The following ADCY8 variants were observed in gnomAD, a reference collection of about 807,000 sequenced individuals.
ADCY8 encodes adenylate cyclase type 8.
In ADCY8, 51 loss-of-function variants were observed where a neutral mutation model predicts 119.7. The ratio of observed to expected loss-of-function variants is 0.43; its 90% confidence interval spans 0.34 to 0.54. The LOEUF is 0.54. ADCY8 is among the 20% of genes least tolerant of loss of function. The pLI, the probability that ADCY8 is intolerant of heterozygous loss-of-function variation, is 0.03. For missense variants in ADCY8, 1,383 were observed against 1,598.8 expected (o/e 0.87, Z 2.30); for synonymous variants, 665 against 651.0 (o/e 1.02, Z -0.33).
intron 7 of ADCY8, among the ~76,000 whole-genome samples, chr8:130,886,032 G>A (rs757583435): frequency 6.6e-6 from 1 of 152,004 alleles, no homozygotes; most frequent in Non-Finnish European, 1.5e-5. Flanking sequence ...ACCACAGCTG[G>A]AGTCAGGAGC....
intron 5 of ADCY8, among the ~76,000 whole-genome samples, chr8:130,912,075 A>G (rs72714450): frequency 0.33 from 50,193 of 151,900 alleles, 9,238 homozygotes; most frequent in East Asian, 0.57. Flanking sequence ...ACCTCTTTCA[A>G]TGGAAGAGCT....
intron 11 of ADCY8, among the ~76,000 whole-genome samples, chr8:130,845,084 G>A (rs1221911255): frequency 2.0e-5 from 3 of 152,120 alleles, no homozygotes; most frequent in Non-Finnish European, 4.4e-5. Context: ...CTTAATTCTT[G>A]TAATTAACCA....
chr8:130,780,956 T>C, intron 17 of ADCY8, 79 bp from the exon 18 acceptor site: 1 of 1,548,278 alleles, frequency 6.5e-7, no homozygotes, highest in Non-Finnish European at 8.8e-7. Context: ...CCTGGGACAG[T>C]GATCACTATG....
At chr8:130,890,804 C>T (rs768360572) in intron 7 of ADCY8, among the ~76,000 whole-genome samples, 15 of 152,120 alleles carry the variant, frequency 9.9e-5, no homozygotes, top group Non-Finnish European at 1.9e-4. Flanking sequence ...TCTCCATGAG[C>T]CAGTTGTGGA....
At chr8:130,785,610 C>G (rs1815226624) in intron 15 of ADCY8, 135 bp from the exon 16 acceptor site, 4 of 558,348 alleles carry the variant, frequency 7.2e-6, no homozygotes, top group Non-Finnish European at 1.2e-5. Flanking sequence ...GCTTTTCTCT[C>G]TGAGAATCAT....
chr8:130,884,430 AAGAC>A (rs1443610827), intron 8 of ADCY8, 130 bp downstream of exon 8: 5 of 868,058 alleles, frequency 5.8e-6, no homozygotes, highest in Non-Finnish European at 9.1e-6. Context: ...AGAAAAATGA[AAGAC>A]AGTACCAAAC....
chr8:130,847,536 A>G (rs2130306828), intron 10 of ADCY8, 23 bp from the exon 11 acceptor site: 1 of 1,554,068 alleles, frequency 6.4e-7, no homozygotes, highest in Non-Finnish European at 8.8e-7. Context: ...AAAAAAAAAA[A>G]AAGAACAACA....
intron 1 of ADCY8, among the ~76,000 whole-genome samples, chr8:131,038,774 T>A (rs1315319393): frequency 2.0e-5 from 3 of 152,214 alleles, no homozygotes; most frequent in African/African-American, 7.2e-5. Context: ...ATATCATGTT[T>A]GGTCACCAAG....
chr8:130,948,051 G>A (rs61693766), intron 3 of ADCY8, among the ~76,000 whole-genome samples: 6 of 152,150 alleles, frequency 3.9e-5, no homozygotes, highest in Non-Finnish European at 7.3e-5. Context: ...TGAGTACTCT[G>A]CTTCCCCTTC....
chr8:130,934,669 A>C (rs1446398543), intron 5 of ADCY8, among the ~76,000 whole-genome samples: 1 of 152,222 alleles, frequency 6.6e-6, no homozygotes, highest in Non-Finnish European at 1.5e-5. Flanking sequence ...AAACATCTGC[A>C]GCCTTTTCCA....
chr8:130,896,234 T>A (rs953573710), intron 7 of ADCY8, among the ~76,000 whole-genome samples: 9 of 152,076 alleles, frequency 5.9e-5, no homozygotes, highest in Non-Finnish European at 1.3e-4. Context: ...CAAACTAAGC[T>A]CCGGAGTGCT....
At chr8:131,016,792 C>T (rs1007011785) in intron 1 of ADCY8, among the ~76,000 whole-genome samples, 1 of 152,194 alleles carries the variant, frequency 6.6e-6, no homozygotes, top group African/African-American at 2.4e-5. Context: ...CTCGACCCGG[C>T]ATGAGATGAG....
intron 12 of ADCY8, among the ~76,000 whole-genome samples, chr8:130,829,326 G>A (rs1312283988): frequency 6.6e-6 from 1 of 152,194 alleles, no homozygotes; most frequent in East Asian, 1.9e-4. Context: ...CTTGTGGCTA[G>A]TTTCTTGGTC....
intron 14 of ADCY8, among the ~76,000 whole-genome samples, chr8:130,810,648 G>T (rs566130490): frequency 5.3e-5 from 8 of 152,312 alleles, no homozygotes; most frequent in African/African-American, 1.9e-4. Flanking sequence ...TTCAGTAAAT[G>T]ATGTTTTATC....
chr8:130,815,720 A>T (rs2130176937), intron 13 of ADCY8, among the ~76,000 whole-genome samples: 1 of 152,370 alleles, frequency 6.6e-6, no homozygotes, highest in East Asian at 1.9e-4. Context: ...TGCTAGACAG[A>T]TATAGCTTAG....
intron 2 of ADCY8, among the ~76,000 whole-genome samples, chr8:130,969,480 T>C (rs1821860500): frequency 6.6e-6 from 1 of 152,252 alleles, no homozygotes; most frequent in African/African-American, 2.4e-5. Context: ...ATACATAGTA[T>C]AGTTATTATC....
intron 2 of ADCY8, among the ~76,000 whole-genome samples, chr8:130,971,619 T>C (rs1821925070): frequency 6.6e-6 from 1 of 152,168 alleles, no homozygotes; most frequent in Non-Finnish European, 1.5e-5. Flanking sequence ...CTGAGTGTGA[T>C]AAATGCAGTG....
Position 131,039,539 on chromosome 8 carries a change from C to T in ADCY8, c.795G>A (p.Gly265=), listed in dbSNP as rs1046550486. ...TQILAAGLGY[G]LLGDGIGYVL... is the part of the protein sequence containing the mutation. ...CGTAGCCTATGCCGTCGCCCAGGAG[C>T]CCGTAGCCGAGGCCTGCTGCCAGGA... The change falls in exon 1 of 18, where the codon GGG becomes GGA. Residue 265 remains glycine, a synonymous_variant. Coordinates refer to ENST00000286355, the MANE Select transcript of ADCY8 (RefSeq NM_001115.3). 2 of 1,613,800 alleles carry T rather than the reference C, an allele frequency of 1.2e-6. No individual in the cohort carries two copies. The highest frequency in any genetic ancestry group is 2.2e-5 in the South Asian group (2 of 91,080).
intron 5 of ADCY8, among the ~76,000 whole-genome samples, chr8:130,919,391 C>T (rs897977065): frequency 6.6e-6 from 1 of 152,158 alleles, no homozygotes; most frequent in Non-Finnish European, 1.5e-5. Context: ...ACAGTGAGAG[C>T]AAGAACATGG....
Sources: gnomAD v4.1 joint callset for allele counts (sites outside exome capture counted in the v4.1 genomes callset) on GRCh38, gnomAD v4.1.1 for gene constraint, MANE v1.5 for transcripts, NCBI Gene and HGNC (gene_info 2026-07-23, HGNC 2026-07-21) for gene names.